The following ARHGEF12 variants were observed in gnomAD, a reference collection of about 807,000 sequenced individuals.
ARHGEF12 encodes the protein Rho guanine nucleotide exchange factor 12.
ARHGEF12 carries 66 observed loss-of-function variants against 211.2 expected under a neutral mutation model. The ratio of observed to expected loss-of-function variants is 0.31; its 90% CI spans 0.26 to 0.38. The LOEUF (loss-of-function observed/expected upper bound fraction) is 0.38. Ranked by LOEUF, ARHGEF12 falls within the 10% of genes least tolerant of loss-of-function variation. The pLI is 1.00. For missense variants in ARHGEF12, 1,429 were observed against 1,869.5 expected (o/e 0.76, Z 4.34); for synonymous variants, 592 against 638.4 (o/e 0.93, Z 1.09).
intron 1 of ARHGEF12, among the ~76,000 whole-genome samples, chr11:120,372,008 C>A (rs1260052951): frequency 1.3e-5 from 2 of 152,156 alleles, no homozygotes; most frequent in African/African-American, 4.8e-5. Flanking sequence ...AAAACTAAAC[C>A]AAGGTTATTT....
intron 4 of ARHGEF12, chr11:120,410,827 C>A (rs1399293038): frequency 1.3e-5 from 2 of 152,174 alleles, no homozygotes; most frequent in Non-Finnish European, 2.9e-5. Context: ...TAAGTAAGAA[C>A]TACCTAATTC....
At chr11:120,412,548 TATG>T (rs1944916476) in intron 4 of ARHGEF12, among the ~76,000 whole-genome samples, 1 of 152,268 alleles carries the variant, frequency 6.6e-6, no homozygotes, top group Non-Finnish European at 1.5e-5. Flanking sequence ...CTTTAGTTTC[TATG>T]ATATTACATC....
chr11:120,418,972 C>T (rs568211500), intron 4 of ARHGEF12, among the ~76,000 whole-genome samples: 36 of 151,518 alleles, frequency 2.4e-4, no homozygotes, highest in African/African-American at 8.7e-4. Context: ...TTTTCTTTTT[C>T]TTTTTCTTTC....
intron 4 of ARHGEF12, among the ~76,000 whole-genome samples, chr11:120,416,622 T>G (rs1160968630): frequency 6.6e-6 from 1 of 152,186 alleles, no homozygotes; most frequent in Non-Finnish European, 1.5e-5. Context: ...TTTCCTTGTT[T>G]GCTAAAAAAC....
chr11:120,374,967 A>C (rs894176154), intron 1 of ARHGEF12, among the ~76,000 whole-genome samples: 26 of 152,194 alleles, frequency 1.7e-4, no homozygotes, highest in Non-Finnish European at 3.2e-4. Flanking sequence ...GCTTTTACCC[A>C]CAAAATCTTC....
intron 33 of ARHGEF12, 56 bp from the exon 34 acceptor site, chr11:120,476,605 C>A: frequency 1.5e-6 from 2 of 1,314,572 alleles, no homozygotes; most frequent in Non-Finnish European, 2.1e-6. Flanking sequence ...CTAAAAACAT[C>A]CCTCATGGCC....
rs765011120 is a variant in ARHGEF12, at chr11:120,478,286, A to C, written c.3663A>C (p.Thr1221=). 1 of 1,614,238 alleles carries C rather than the reference A, an allele frequency of 6.2e-7. No individual in the cohort carries two copies. The highest frequency in any genetic ancestry group is 1.1e-5 in the South Asian group (1 of 91,086). Reference sequence around the variant, plus strand: ...GACAGTTTGCAAAGGAACAACATACAGATGGGACACTAAAGGAAGTTGGAG... The same window carrying C: ...GACAGTTTGCAAAGGAACAACATACCGATGGGACACTAAAGGAAGTTGGAG... ...AERQFAKEQH[T]DGTLKEVGED... The change falls in exon 37 of 41, where the codon ACA becomes ACC. Residue 1221 remains threonine, a synonymous_variant. Coordinates refer to ENST00000397843, the MANE Select transcript of ARHGEF12 (RefSeq NM_015313.3).
At chr11:120,383,003 G>T (rs1943920191) in intron 1 of ARHGEF12, among the ~76,000 whole-genome samples, 1 of 152,178 alleles carries the variant, frequency 6.6e-6, no homozygotes, top group East Asian at 1.9e-4. Flanking sequence ...GCCAGGCGTG[G>T]TGGCGGGCGC....
chr11:120,461,815 T>C (rs1946544473), intron 27 of ARHGEF12, among the ~76,000 whole-genome samples: 1 of 152,262 alleles, frequency 6.6e-6, no homozygotes. Context: ...TTTATGGAGA[T>C]GACTTCTTTT....
intron 21 of ARHGEF12, 72 bp from the exon 22 acceptor site, chr11:120,451,440 G>A: frequency 1.4e-6 from 2 of 1,462,852 alleles, no homozygotes; most frequent in Non-Finnish European, 1.9e-6. Context: ...GCCTCCCAAA[G>A]TGTTGGGATT....
chr11:120,395,078 AAAGAT>A (rs1944340738), intron 1 of ARHGEF12, among the ~76,000 whole-genome samples: 6 of 151,518 alleles, frequency 4.0e-5, no homozygotes, highest in Non-Finnish European at 7.4e-5. Flanking sequence ...AAAAAAAAAA[AAAGAT>A]AAGGGAGCAT....
rs770268450 is a variant in ARHGEF12 at position 120,480,179 on chromosome 11, G to A, written c.3986G>A (p.Arg1329Gln). The A allele has an allele frequency of 1.7e-5, 28 of 1,614,072 alleles. No homozygotes were observed. Among genetic ancestry groups the A allele is most frequent in the East Asian group, 4.5e-5 (2 of 44,898 alleles). The change falls in exon 38 of 41, where the codon CGG becomes CAG. Residue 1329 changes from arginine (R) to glutamine (Q), a missense_variant. Arg to Gln is a conservative substitution (Grantham distance 43). This residue lies in a region of ARHGEF12 where 467 missense variants were observed against 468.4 expected (regional missense o/e 1.00). Transcript: ENST00000397843. ...TGDIATCYSP[R>Q]TSTESFAPRD... ...GACATTGCAACTTGTTACAGTCCACGGACTTCAACTGAATCTTTTGCTCCA... is the reference window on the plus strand; with the variant it reads ...GACATTGCAACTTGTTACAGTCCACAGACTTCAACTGAATCTTTTGCTCCA...
intron 11 of ARHGEF12, among the ~76,000 whole-genome samples, 161 bp downstream of exon 11, chr11:120,432,072 T>C (rs997267069): frequency 2.0e-5 from 3 of 152,238 alleles, no homozygotes; most frequent in African/African-American, 4.8e-5. Context: ...GTTACTGTTA[T>C]ATATAAGCTT....
intron 6 of ARHGEF12, among the ~76,000 whole-genome samples, chr11:120,423,554 G>T (rs540182288): frequency 6.6e-6 from 1 of 151,890 alleles, no homozygotes; most frequent in East Asian, 1.9e-4. Context: ...AGGTCAGTGT[G>T]TATCTTTATT....
intron 1 of ARHGEF12, among the ~76,000 whole-genome samples, chr11:120,338,082 A>T (rs1252992896): frequency 6.6e-6 from 1 of 152,226 alleles, no homozygotes; most frequent in African/African-American, 2.4e-5. Flanking sequence ...CAGTTTGCTT[A>T]TCCTAAGTTA....
intron 15 of ARHGEF12, among the ~76,000 whole-genome samples, chr11:120,444,230 TA>T (rs1310390510): frequency 6.6e-6 from 1 of 152,144 alleles, no homozygotes; most frequent in Non-Finnish European, 1.5e-5. Context: ...TTTACTTTCC[TA>T]AAAAAATGAC....
At chr11:120,441,478 G>C (rs543474901) in intron 13 of ARHGEF12, among the ~76,000 whole-genome samples, 1 of 151,974 alleles carries the variant, frequency 6.6e-6, no homozygotes, top group East Asian at 1.9e-4. Context: ...CTAAATTTCC[G>C]TTCTCCCACA....
chr11:120,364,510 A>G (rs1267084208), intron 1 of ARHGEF12, among the ~76,000 whole-genome samples: 1 of 152,212 alleles, frequency 6.6e-6, no homozygotes, highest in Non-Finnish European at 1.5e-5. Context: ...CATTTTATAC[A>G]AAGAGATCAC....
intron 1 of ARHGEF12, among the ~76,000 whole-genome samples, chr11:120,364,519 A>T (rs1430885561): frequency 6.6e-6 from 1 of 152,212 alleles, no homozygotes. Context: ...CAAAGAGATC[A>T]CCCACACCAT....
Sources: allele counts gnomAD v4.1 joint callset (sites outside exome capture counted in the v4.1 genomes callset), GRCh38; gene constraint gnomAD v4.1.1; regional missense constraint gnomAD v4.1.1; transcripts MANE v1.5; gene names NCBI Gene and HGNC (gene_info 2026-07-23, HGNC 2026-07-21).